HECW1: variants seen among roughly 807,000 people sequenced by gnomAD.
HECW1 encodes the protein HECT, C2 and WW domain containing E3 ubiquitin protein ligase 1, also known as E3 ubiquitin-protein ligase HECW1.
A neutral mutation model predicts 182.3 loss-of-function variants in HECW1; 61 were observed. The observed-to-expected ratio is 0.33, with a 90% confidence interval of 0.27 to 0.41. The LOEUF is 0.41. HECW1 is among the 10% of genes least tolerant of loss of function. The pLI is 1.00. For missense variants in HECW1, 1,739 were observed against 2,108.9 expected (o/e 0.82, Z 3.44); for synonymous variants, 859 against 832.6 (o/e 1.03, Z -0.55).
chr7:43,406,889 A>G (rs10264725), intron 7 of HECW1, among the ~76,000 whole-genome samples: 56,849 of 152,028 alleles, frequency 0.37, 11,834 homozygotes, highest in African/African-American at 0.56. Flanking sequence ...ACTGCACTTC[A>G]GCCTGGGTGA....
At chr7:43,481,409 A>C (rs528132038) in intron 17 of HECW1, among the ~76,000 whole-genome samples, 1 of 152,360 alleles carries the variant, frequency 6.6e-6, no homozygotes, top group Admixed American at 6.5e-5. Context: ...TGAGTACTGC[A>C]GACAGATTCA....
At chr7:43,238,131 T>C (rs551677998) in intron 2 of HECW1, among the ~76,000 whole-genome samples, 27 of 152,238 alleles carry the variant, frequency 1.8e-4, no homozygotes, top group Non-Finnish European at 2.9e-4. Context: ...GATGGAGTTC[T>C]ATTACGTGTG....
intron 2 of HECW1, among the ~76,000 whole-genome samples, chr7:43,190,537 T>G (rs149137660): frequency 2.2e-4 from 33 of 152,324 alleles, no homozygotes; most frequent in African/African-American, 7.7e-4. Flanking sequence ...ATTGATACAG[T>G]GGAGCCATGG....
chr7:43,347,875 G>T (rs563044051), intron 5 of HECW1, among the ~76,000 whole-genome samples: 40 of 152,192 alleles, frequency 2.6e-4, no homozygotes, highest in African/African-American at 9.4e-4. Context: ...AAACCCATTT[G>T]ATCATGGTGG....
At chr7:43,141,521 CAG>C (rs1002377861) in intron 2 of HECW1, among the ~76,000 whole-genome samples, 1 of 151,732 alleles carries the variant, frequency 6.6e-6, no homozygotes, top group Non-Finnish European at 1.5e-5. Flanking sequence ...TTTTTTTAAA[CAG>C]AGTTTCGCTG....
chr7:43,475,544 A>ATATTTATT (rs141834878), intron 16 of HECW1, among the ~76,000 whole-genome samples: 3 of 151,828 alleles, frequency 2.0e-5, no homozygotes, highest in African/African-American at 7.3e-5. Flanking sequence ...TAAAAATTAA[A>ATATTTATT]TATTTATTTA....
chr7:43,164,484 T>G (rs542959652), intron 2 of HECW1, among the ~76,000 whole-genome samples: 3 of 152,078 alleles, frequency 2.0e-5, no homozygotes, highest in Non-Finnish European at 2.9e-5. Context: ...GAGCCTTGAG[T>G]GGAGGGGGCT....
chr7:43,370,885 ATTC>A lies in HECW1; in HGVS notation c.555+9908_555+9910del, dbSNP rs1460626463. Among the ~76,000 whole-genome samples, 16 of 150,300 alleles carry A rather than the reference ATTC, an allele frequency of 1.1e-4. No homozygotes were observed. The East Asian group carries it at 2.9e-3, about 28-fold the overall frequency. The stretch of plus-strand genomic sequence containing the variant: ...CACAGAGGATTTTTAGGGCAATGAT[ATTC>A]TTTTTTTTTTTTTTTTTGAAATGGA... On this transcript the variant is annotated intron_variant, in intron 6 of 29. Coordinates refer to ENST00000395891, the MANE Select transcript of HECW1 (RefSeq NM_015052.5).
At chr7:43,365,938 TA>T (rs1816589302) in intron 6 of HECW1, among the ~76,000 whole-genome samples, 1 of 151,724 alleles carries the variant, frequency 6.6e-6, no homozygotes, top group Non-Finnish European at 1.5e-5. Context: ...TATAAAAAAA[TA>T]AAAAATAAAA....
chr7:43,452,663 T>G (rs1343325093), intron 12 of HECW1, among the ~76,000 whole-genome samples: 1 of 152,224 alleles, frequency 6.6e-6, no homozygotes, highest in Non-Finnish European at 1.5e-5. Flanking sequence ...GAAGACAGAT[T>G]AGCAAACAAT....
At chr7:43,336,124 T>TTCTTTC (rs1313057919) in intron 5 of HECW1, among the ~76,000 whole-genome samples, 2,665 of 63,832 alleles carry the variant, frequency 0.042, 204 homozygotes, top group Non-Finnish European at 0.059. Context: ...CTTTCTTTCT[T>TTCTTTC]TCTCTCTCTC....
intron 3 of HECW1, among the ~76,000 whole-genome samples, chr7:43,250,396 G>A (rs953280390): frequency 6.6e-6 from 1 of 152,120 alleles, no homozygotes; most frequent in Non-Finnish European, 1.5e-5. Context: ...CGCCTACTGT[G>A]TACCAGATAT....
chr7:43,443,658 G>A lies in HECW1; in HGVS notation c.1046-560G>A, dbSNP rs1164826476. Among the ~76,000 whole-genome samples the A allele has an allele frequency of 2.6e-5, 4 of 152,218 alleles. No individual in the cohort carries two copies. The East Asian group carries it at 5.8e-4, about 22-fold the overall frequency. On this transcript the variant is annotated intron_variant, in intron 10 of 29. Transcript: ENST00000395891. ...GTGAAGACCTTGTTTTTTTTAAATT[G>A]GAATAAACTCTAAATGTTGGGAACC...
At chr7:43,187,982 C>T (rs1285288385) in intron 2 of HECW1, among the ~76,000 whole-genome samples, 4 of 152,212 alleles carry the variant, frequency 2.6e-5, no homozygotes, top group South Asian at 4.1e-4. Context: ...GAAGACCCCA[C>T]TGCTGCCTTT....
At chr7:43,126,284 T>C (rs1422400285) in intron 2 of HECW1, among the ~76,000 whole-genome samples, 2 of 152,108 alleles carry the variant, frequency 1.3e-5, no homozygotes, top group Non-Finnish European at 2.9e-5. Flanking sequence ...AATTCCTCTC[T>C]TTACTTGATT....
intron 8 of HECW1, among the ~76,000 whole-genome samples, chr7:43,425,304 T>TAGATAGATA (rs1554408923): frequency 5.9e-4 from 87 of 148,360 alleles, no homozygotes; most frequent in African/African-American, 1.8e-3. Context: ...GATAGATAGA[T>TAGATAGATA]GATAGATAGA....
chr7:43,217,571 G>A (rs1474550024), intron 2 of HECW1, among the ~76,000 whole-genome samples: 1 of 152,222 alleles, frequency 6.6e-6, no homozygotes, highest in African/African-American at 2.4e-5. Context: ...TTGCAAGGAA[G>A]TGAAACCTAC....
chr7:43,405,370 C>T (rs987332202), intron 7 of HECW1, among the ~76,000 whole-genome samples: 3 of 152,088 alleles, frequency 2.0e-5, no homozygotes, highest in African/African-American at 7.2e-5. Flanking sequence ...CGTGGTATGA[C>T]TTATTACAGT....
intron 16 of HECW1, among the ~76,000 whole-genome samples, chr7:43,474,254 C>A (rs898619850): frequency 6.6e-6 from 1 of 152,052 alleles, no homozygotes; most frequent in Non-Finnish European, 1.5e-5. Context: ...TCGAGACCAC[C>A]CTAGCTAACA....
Sources: gnomAD v4.1 joint callset for allele counts (sites outside exome capture counted in the v4.1 genomes callset) on GRCh38, gnomAD v4.1.1 for gene constraint, MANE v1.5 for transcripts, NCBI Gene and HGNC (gene_info 2026-07-23, HGNC 2026-07-21) for gene names.